Variants in VWDE observed in about 807,000 individuals in gnomAD.
VWDE encodes von Willebrand factor D and EGF domain-containing protein.
In VWDE, 207 loss-of-function variants were observed where a neutral mutation model predicts 178.4. That is an observed-to-expected ratio of 1.16 (90% CI 1.04 to 1.30). The LOEUF (loss-of-function observed/expected upper bound fraction) is 1.30. Among genes scored for constraint, VWDE ranks in the 50% most tolerant of loss-of-function variants. The pLI is 0.00. For synonymous variants in VWDE, 738 were observed against 651.4 expected (o/e 1.13, Z -2.02); for missense variants, 2,287 against 1,901.3 (o/e 1.20, Z -3.77).
chr7:12,336,197 A>G lies in VWDE; in HGVS notation c.4598T>C (p.Ile1533Thr). ...AGGACAATGGCATATGCTGGGCGCA[A>G]TGCATTCACCACCGTTTTTACATTT... ...LQKCKNGGEC[I>T]APSICHCPSS... The change falls in exon 27 of 29, where the codon ATT becomes ACT. Residue 1533 changes from isoleucine (I) to threonine (T), a missense_variant. Transcript: ENST00000275358. 6.4e-7 allele frequency: 1 copy of G among 1,551,464 alleles called. No homozygotes were observed. Among genetic ancestry groups the G allele is most frequent in the East Asian group, 2.4e-5 (1 of 40,850 alleles).
At chr7:12,384,553 T>C (rs1050850025) in intron 3 of VWDE, among the ~76,000 whole-genome samples, 1 of 152,086 alleles carries the variant, frequency 6.6e-6, no homozygotes, top group Non-Finnish European at 1.5e-5. Flanking sequence ...TGTAGCACTC[T>C]GGTGGGGGAC....
At chr7:12,391,891 C>G (rs927662656) in intron 2 of VWDE, among the ~76,000 whole-genome samples, 2 of 152,052 alleles carry the variant, frequency 1.3e-5, no homozygotes, top group Non-Finnish European at 2.9e-5. Context: ...AGTTGCATGA[C>G]CTCTAGGTTA....
Position 12,343,196 on chromosome 7 carries a change from G to A in VWDE, c.4079-18C>T. 1 of 1,524,232 alleles carries A rather than the reference G, an allele frequency of 6.6e-7. No homozygotes were observed. The highest frequency in any genetic ancestry group is 8.9e-7 in the Non-Finnish European group (1 of 1,125,914). The allele number at this position is 1,524,232 out of a possible 1,614,324, so 94.4% of individuals were successfully genotyped here. On this transcript the variant is annotated intron_variant, in intron 21 of 28. Transcript: ENST00000275358. ...ACAATGTTCTGCAGAAACAGATTAT[G>A]TTATTATGTCAGTTCTTAATTTTTA...
intron 16 of VWDE, among the ~76,000 whole-genome samples, chr7:12,358,297 C>G (rs1308847053): frequency 1.3e-5 from 2 of 151,166 alleles, no homozygotes; most frequent in African/African-American, 4.9e-5. Flanking sequence ...TTGCTTGAAC[C>G]CGGGAGGTGG....
chr7:12,368,829 A>T (rs2128555140), intron 12 of VWDE, among the ~76,000 whole-genome samples: 1 of 152,224 alleles, frequency 6.6e-6, no homozygotes, highest in East Asian at 1.9e-4. Context: ...AATGCTTTGA[A>T]GCTGGAGCTG....
At chr7:12,379,951 G>A (rs925792936) in intron 5 of VWDE, among the ~76,000 whole-genome samples, 68 of 151,780 alleles carry the variant, frequency 4.5e-4, no homozygotes, top group Admixed American at 4.1e-3. Context: ...AATTAGCTGC[G>A]TGTGGGTGTG....
At chr7:12,401,697 A>T (rs1363853646) in intron 1 of VWDE, among the ~76,000 whole-genome samples, 1 of 152,200 alleles carries the variant, frequency 6.6e-6, no homozygotes, top group African/African-American at 2.4e-5. Context: ...TTGCAGAAAT[A>T]CAAAACAGCA....
chr7:12,370,024 A>G lies in VWDE; in HGVS notation c.2282T>C (p.Leu761Ser), dbSNP rs1226691145. 1 of 1,551,544 alleles carries G rather than the reference A, an allele frequency of 6.4e-7. No homozygotes were observed. Among genetic ancestry groups the G allele is most frequent in the South Asian group, 1.2e-5 (1 of 84,058 alleles). Residue 761 changes from leucine (L) to serine (S), a missense_variant, in exon 12 of 29, where the codon TTG becomes TCG. Coordinates refer to ENST00000275358, the MANE Select transcript of VWDE (RefSeq NM_001135924.3). ...KRQNFHEFPP[L>S]FAFPSLSQTD... ...TTGGCTGAGACTCGGGAAAGCAAAC[A>G]AAGGAGGAAACTCATGAAAGTTCTG... is the stretch of plus-strand genomic sequence containing the variant.
rs367720210 is a variant in VWDE, at chr7:12,393,179, A to G, written c.243+415T>C. Among the ~76,000 whole-genome samples the G allele has an allele frequency of 3.9e-5, 6 of 152,332 alleles. No individual in the cohort carries two copies. The East Asian group carries it at 1.2e-3, about 29-fold the overall frequency. ...ACTGACAAAAACAAGCACTTTAGAC[A>G]CACAGTATTTTACTATTTGCAGGTA... On this transcript the variant is annotated intron_variant, in intron 2 of 28. Coordinates refer to ENST00000275358, the MANE Select transcript of VWDE (RefSeq NM_001135924.3).
At chr7:12,394,318 A>AC (rs1784529500) in intron 1 of VWDE, among the ~76,000 whole-genome samples, 1 of 50,304 alleles carries the variant, frequency 2.0e-5, no homozygotes, top group Non-Finnish European at 4.1e-5. Flanking sequence ...GAAAAACATT[A>AC]AAAATTTTAA....
chr7:12,381,428 AAAG>A (rs1424380745), intron 4 of VWDE, among the ~76,000 whole-genome samples: 1 of 152,122 alleles, frequency 6.6e-6, no homozygotes, highest in Admixed American at 6.5e-5. Flanking sequence ...TAAATTTTTA[AAAG>A]AAGATTTTAA....
chr7:12,333,204 T>C (rs1425041742), intron 28 of VWDE, among the ~76,000 whole-genome samples: 1 of 152,152 alleles, frequency 6.6e-6, no homozygotes, highest in Admixed American at 6.6e-5. Context: ...ACATTTGCTG[T>C]CTCAACTACA....
chr7:12,359,745 A>T, intron 15 of VWDE, 53 bp from the exon 16 acceptor site: 1 of 1,142,700 alleles, frequency 8.8e-7, no homozygotes, highest in Admixed American at 2.5e-5. Flanking sequence ...TGTAGAAAAA[A>T]AAAAGTACAT....
chr7:12,336,928 C>A, intron 26 of VWDE, 60 bp downstream of exon 26: 1 of 1,439,786 alleles, frequency 6.9e-7, no homozygotes, highest in South Asian at 1.4e-5. Context: ...CTGTTTTAAA[C>A]TCTGCTTTAC....
intron 18 of VWDE, chr7:12,354,515 G>A (rs1274827153): frequency 3.1e-6 from 1 of 317,800 alleles, no homozygotes; most frequent in South Asian, 2.6e-5. Flanking sequence ...CAAGAGCTCA[G>A]ATTATTTAAT....
chr7:12,331,973 T>C (rs1018488190), intron 28 of VWDE, among the ~76,000 whole-genome samples: 1 of 152,112 alleles, frequency 6.6e-6, no homozygotes, highest in Non-Finnish European at 1.5e-5. Flanking sequence ...CCATTTCTTT[T>C]TTTTACCCAC....
At chr7:12,344,550 CAA>C (rs1781502656) in intron 19 of VWDE, 81 bp from the exon 20 acceptor site, 1 of 1,123,216 alleles carries the variant, frequency 8.9e-7, no homozygotes, top group South Asian at 1.6e-5. Flanking sequence ...ATGATAGAAG[CAA>C]AAGTCTCTGA....
At chr7:12,334,293 C>T (rs533050450) in intron 27 of VWDE, among the ~76,000 whole-genome samples, 4 of 152,062 alleles carry the variant, frequency 2.6e-5, no homozygotes, top group African/African-American at 9.6e-5. Flanking sequence ...TGTTTTTAAA[C>T]AACATAAATT....
intron 4 of VWDE, among the ~76,000 whole-genome samples, chr7:12,382,051 G>A (rs915257677): frequency 1.3e-5 from 2 of 151,616 alleles, no homozygotes; most frequent in Non-Finnish European, 3.0e-5. Context: ...GTATTCCTTT[G>A]TCAATTGTAA....
Sources: allele counts gnomAD v4.1 joint callset (sites outside exome capture counted in the v4.1 genomes callset), GRCh38; gene constraint gnomAD v4.1.1; transcripts MANE v1.5; gene names NCBI Gene and HGNC (gene_info 2026-07-23, HGNC 2026-07-21).